Variants in MS4A2 observed in about 807,000 individuals in gnomAD.
MS4A2 encodes the protein membrane spanning 4-domains A2.
A neutral mutation model predicts 27.9 loss-of-function variants in MS4A2; 26 were observed. The observed-to-expected ratio is 0.93, with a 90% CI of 0.68 to 1.29. The LOEUF is 1.29. MS4A2 is among the 50% of genes most tolerant of loss of function. MS4A2 has a pLI of 0.00. For missense variants in MS4A2, 284 were observed against 284.6 expected, an observed-to-expected ratio of 1.00 and a Z score of 0.01; for synonymous variants, 110 against 98.8, an observed-to-expected ratio of 1.11 and a Z score of -0.67.
At chr11:60,093,940 T>C (rs1201334983) in intron 5 of MS4A2, 24 bp from the exon 6 acceptor site, 1 of 1,573,464 alleles carries the variant, frequency 6.4e-7, no homozygotes, top group Non-Finnish European at 8.7e-7. Context: ...CTCTTTTTGT[T>C]TGTCATTTGT....
intron 3 of MS4A2, 93 bp downstream of exon 3, chr11:60,090,563 CATG>C (rs1481441967): frequency 1.8e-6 from 2 of 1,137,704 alleles, no homozygotes; most frequent in African/African-American, 1.6e-5. Context: ...CCAGTATTAA[CATG>C]ATATTTATAA....
At chr11:60,092,456 T>C (rs545182418) in intron 3 of MS4A2, among the ~76,000 whole-genome samples, 1 of 152,158 alleles carries the variant, frequency 6.6e-6, no homozygotes, top group South Asian at 2.1e-4. Flanking sequence ...CCACAGTGGC[T>C]GGCTAATTTT....
Position 60,094,021 on chromosome 11 carries a change from C to G in MS4A2, c.595C>G (p.Leu199Val). ...TCTGGGACTTGGTAGTGCTGTGTCA[C>G]TCACAATCTGTGGAGCTGGGGAAGA... ...TILGLGSAVS[L>V]TICGAGEELK... The change falls in exon 6 of 7, where the codon CTC becomes GTC. Residue 199 changes from leucine (L) to valine (V), a missense_variant. Leu to Val is a conservative substitution (Grantham distance 32, BLOSUM62 1). Transcript: ENST00000278888. The G allele has an allele frequency of 6.2e-7, 1 of 1,614,070 alleles. No individual in the cohort carries two copies. Among genetic ancestry groups the G allele is most frequent in the Non-Finnish European group, 8.5e-7 (1 of 1,179,926 alleles).
At chr11:60,093,188 C>A (rs547552813) in intron 4 of MS4A2, among the ~76,000 whole-genome samples, 11 of 152,130 alleles carry the variant, frequency 7.2e-5, no homozygotes, top group African/African-American at 2.7e-4. Context: ...GAGGAAAGAC[C>A]GTACGTGTTC....
At position 60,096,448 on chromosome 11, in the gene MS4A2, GT is replaced by G; in HGVS notation, c.*794del. 1 of 152,138 alleles carries G rather than the reference GT, an allele frequency of 6.6e-6. No homozygotes were observed. The highest frequency in any genetic ancestry group is 1.5e-5 in the Non-Finnish European group (1 of 68,016). The allele number at this position is 152,138 out of a possible 1,614,324, so 9.4% of individuals were successfully genotyped here. A position where few individuals can be genotyped will look rare whatever the true frequency, so the allele number is the denominator to read the frequency against. On this transcript the variant is annotated 3_prime_UTR_variant, in exon 7 of 7. Coordinates refer to ENST00000278888, the MANE Select transcript of MS4A2 (RefSeq NM_000139.5). ...AAAGTGAGTGGAAATGGAAATAATGGTTATATCTAAAACATGTAGAAAAAGA... is the reference window on the plus strand; with the variant it reads ...AAAGTGAGTGGAAATGGAAATAATGGTATATCTAAAACATGTAGAAAAAGA...
At chr11:60,092,896 A>C in intron 4 of MS4A2, 48 bp downstream of exon 4, 2 of 1,565,070 alleles carry the variant, frequency 1.3e-6, no homozygotes, top group Non-Finnish European at 1.8e-6. Flanking sequence ...AGATAAGAAG[A>C]ACAGAGTTTT....
rs1462659713 is a variant in MS4A2, at chr11:60,098,323, T to G, written c.*2667T>G. On this transcript the variant is annotated 3_prime_UTR_variant, in exon 7 of 7. Coordinates refer to ENST00000278888, the MANE Select transcript of MS4A2 (RefSeq NM_000139.5). ...CCATGAAGACCACTGAATGAACACC[T>G]TTTCATCCAGCCTTAATTTCTTGCT... 6.6e-6 allele frequency: 1 copy of G among 152,166 alleles called. No homozygotes were observed. The highest frequency in any genetic ancestry group is 1.5e-5 in the Non-Finnish European group (1 of 68,022). The allele number at this position is 152,166 out of a possible 1,614,324, so 9.4% of individuals were successfully genotyped here.
In MS4A2 at chr11:60,090,326, T is replaced by C. The variant is rs928962510; in HGVS notation, c.187-10T>C. On this transcript the variant is annotated splice_polypyrimidine_tract_variant and intron_variant, in intron 2 of 6. Coordinates refer to ENST00000278888, the MANE Select transcript of MS4A2 (RefSeq NM_000139.5). ...TTTGATTTTCATGAAATTCATGTGT[T>C]TTTCTATAGGTAACACAAATTCTGA... is the stretch of plus-strand genomic sequence containing the variant. The C allele has an allele frequency of 1.9e-6, 3 of 1,611,940 alleles. No homozygotes were observed. In the Admixed American group the frequency reaches 5.0e-5, roughly 27 times the overall value.
At position 60,095,597 on chromosome 11, in the gene MS4A2, T is replaced by G; in HGVS notation, c.676T>G (p.Ser226Ala). The G allele has an allele frequency of 6.2e-7, 1 of 1,612,988 alleles. No homozygotes were observed. Among genetic ancestry groups the G allele is most frequent in the Non-Finnish European group, 8.5e-7 (1 of 1,178,968 alleles). ...DRVYEELNIY[S>A]ATYSELEDPG... The stretch of plus-strand genomic sequence containing the variant: ...TGTTTATGAAGAATTAAACATATAT[T>G]CAGCTACTTACAGTGAGTTGGAAGA... Residue 226 changes from serine to alanine, a missense_variant, in exon 7 of 7, where the codon TCA (serine) becomes GCA (alanine). By Grantham distance (99) the Ser-to-Ala change is moderately conservative. Transcript: ENST00000278888.
chr11:60,090,107 C>T (rs1186319238), intron 2 of MS4A2, among the ~76,000 whole-genome samples: 1 of 152,160 alleles, frequency 6.6e-6, no homozygotes, highest in African/African-American at 2.4e-5. Context: ...AACATGACTA[C>T]GTACATAAAG....
intron 1 of MS4A2, 56 bp downstream of exon 1, chr11:60,088,877 C>A: frequency 6.5e-7 from 1 of 1,530,842 alleles, no homozygotes; most frequent in South Asian, 1.2e-5. Flanking sequence ...CAGGGGAAGT[C>A]ATAGTCACGG....
At chr11:60,089,122 A>C (rs1050519594) in intron 1 of MS4A2, among the ~76,000 whole-genome samples, 1 of 152,008 alleles carries the variant, frequency 6.6e-6, no homozygotes, top group Non-Finnish European at 1.5e-5. Context: ...TCTGGGTCTG[A>C]CATGTGCTGA....
chr11:60,089,856 G>C, intron 2 of MS4A2, 35 bp downstream of exon 2: 1 of 1,612,794 alleles, frequency 6.2e-7, no homozygotes, highest in Non-Finnish European at 8.5e-7. Context: ...ACTAGAGTAA[G>C]GGTTGGGTCT....
rs369384889 is a variant in MS4A2 at position 60,093,983 on chromosome 11, T to C, written c.557T>C (p.Leu186Pro). 9 of 1,613,688 alleles carry C rather than the reference T, an allele frequency of 5.6e-6. No homozygotes were observed. The highest frequency in any genetic ancestry group is 7.6e-6 in the Non-Finnish European group (9 of 1,179,676). Reference protein sequence around the residue: ...SFSTEIVVMMLFLTILGLGSA... With the variant: ...SFSTEIVVMMPFLTILGLGSA... ...CAATAGGAAATTGTAGTGATGATGCTGTTTCTCACCATTCTGGGACTTGGT... is the reference window on the plus strand; with the variant it reads ...CAATAGGAAATTGTAGTGATGATGCCGTTTCTCACCATTCTGGGACTTGGT... The change falls in exon 6 of 7, where the codon CTG becomes CCG. Residue 186 changes from leucine (L) to proline (P), a missense_variant. Physicochemically the swap from Leu to Pro is moderately conservative, Grantham distance 98. Coordinates refer to ENST00000278888, the MANE Select transcript of MS4A2 (RefSeq NM_000139.5).
intron 3 of MS4A2, among the ~76,000 whole-genome samples, chr11:60,092,183 T>C (rs183281965): frequency 8.6e-4 from 131 of 152,328 alleles, no homozygotes; most frequent in African/African-American, 2.9e-3. Flanking sequence ...CCCTGCATTG[T>C]CAGGGTTAGC....
chr11:60,092,766 G>A (rs1855788698), intron 3 of MS4A2, 26 bp from the exon 4 acceptor site: 1 of 1,605,836 alleles, frequency 6.2e-7, no homozygotes, highest in African/African-American at 1.3e-5. Context: ...ACTCATTGTG[G>A]CTTTTTTTTC....
intron 5 of MS4A2, 154 bp downstream of exon 5, chr11:60,093,712 G>A: frequency 2.7e-6 from 3 of 1,119,560 alleles, no homozygotes; most frequent in Non-Finnish European, 4.0e-6. Flanking sequence ...GGGAGATGCT[G>A]GCTGCCCACT....
At position 60,098,193 on chromosome 11, in the gene MS4A2, T is replaced by C. The variant is rs1855901405; in HGVS notation, c.*2537T>C. On this transcript the variant is annotated 3_prime_UTR_variant, in exon 7 of 7. Coordinates refer to ENST00000278888, the MANE Select transcript of MS4A2 (RefSeq NM_000139.5). ...GTTGCCCCACCCTACCTGCCTTTTA[T>C]AGTATGCCCACCTCAGGCAGACACA... 1 of 152,230 alleles carries C rather than the reference T, an allele frequency of 6.6e-6. No individual in the cohort carries two copies. The highest frequency in any genetic ancestry group is 2.1e-4 in the South Asian group (1 of 4,828). 9.4% of individuals were successfully genotyped at this position (152,230 alleles called of 1,614,324 possible).
rs978460158 is a variant in MS4A2, at chr11:60,096,022, G to A, written c.*366G>A. ...ACAGTTTGATAATATTTGGTTCTTAGGGTTTTTTTTTTTTTTTAGCATTCT... is the reference window on the plus strand; with the variant it reads ...ACAGTTTGATAATATTTGGTTCTTAAGGTTTTTTTTTTTTTTTAGCATTCT... On this transcript the variant is annotated 3_prime_UTR_variant, in exon 7 of 7. Transcript: ENST00000278888. 1 of 235,740 alleles carries A rather than the reference G, an allele frequency of 4.2e-6. No individual in the cohort carries two copies. Among genetic ancestry groups the A allele is most frequent in the Non-Finnish European group, 8.3e-6 (1 of 120,386 alleles). 14.6% of individuals were successfully genotyped at this position (235,740 alleles called of 1,614,324 possible). A position where few individuals can be genotyped will look rare whatever the true frequency, so the allele number is the denominator to read the frequency against.
Sources: gnomAD v4.1 joint callset for allele counts (sites outside exome capture counted in the v4.1 genomes callset) on GRCh38, gnomAD v4.1.1 for gene constraint, MANE v1.5 for transcripts, NCBI Gene and HGNC (gene_info 2026-07-23, HGNC 2026-07-21) for gene names.